OC90: variants seen among roughly 807,000 people sequenced by gnomAD.
OC90 encodes the protein otoconin-90.
Under a neutral mutation model 47.3 loss-of-function variants are expected in OC90, and 46 were observed. That is an observed-to-expected ratio of 0.97 (90% CI 0.77 to 1.24). The LOEUF (loss-of-function observed/expected upper bound fraction) is 1.24, where lower values mean the gene tolerates loss of function less well. Among genes scored for constraint, OC90 ranks in the 50% most tolerant of loss-of-function variants. The pLI is 0.00. For synonymous variants in OC90, 271 were observed against 219.5 expected (o/e 1.23, Z -2.07); for missense variants, 688 against 583.9 (o/e 1.18, Z -1.84).
chr8:132,040,130 G>A (rs1052738422), intron 6 of OC90, among the ~76,000 whole-genome samples: 1 of 152,124 alleles, frequency 6.6e-6, no homozygotes, highest in Non-Finnish European at 1.5e-5. Flanking sequence ...CCACCTAGTG[G>A]TTCACACCCA....
chr8:132,042,569 C>G (rs1823069924), intron 4 of OC90, among the ~76,000 whole-genome samples: 1 of 152,094 alleles, frequency 6.6e-6, no homozygotes, highest in East Asian at 1.9e-4. Context: ...TTTATTGTTC[C>G]CGTCTTTATG....
At chr8:132,033,370 C>T (rs985307394) in intron 10 of OC90, among the ~76,000 whole-genome samples, 2 of 152,152 alleles carry the variant, frequency 1.3e-5, no homozygotes, top group Non-Finnish European at 2.9e-5. Context: ...TTAACACTGT[C>T]GGGAGCCTGT....
chr8:132,042,314 A>T (rs943583867), intron 4 of OC90, among the ~76,000 whole-genome samples: 2 of 152,162 alleles, frequency 1.3e-5, no homozygotes, highest in African/African-American at 4.8e-5. Context: ...GAGCTACCAC[A>T]CGCATATTGG....
intron 12 of OC90, among the ~76,000 whole-genome samples, chr8:132,031,579 G>T (rs1373758503): frequency 6.6e-6 from 1 of 152,192 alleles, no homozygotes; most frequent in East Asian, 1.9e-4. Context: ...TCTTGGGGTA[G>T]CTGGGCAGTA....
At chr8:132,051,500 ATTCCAGCT>A (rs1488404615) in intron 2 of OC90, among the ~76,000 whole-genome samples, 1 of 152,228 alleles carries the variant, frequency 6.6e-6, no homozygotes, top group East Asian at 1.9e-4. Flanking sequence ...GTGAATCCAC[ATTCCAGCT>A]CAGTAACTTC....
Position 132,024,745 on chromosome 8 carries a change from G to C in OC90, c.1170C>G (p.Leu390=). 6.2e-7 allele frequency: 1 copy of C among 1,613,760 alleles called. No homozygotes were observed. The change falls in exon 14 of 14, where the codon CTC becomes CTG. Residue 390 remains leucine (L), a synonymous_variant. Transcript: ENST00000254627. The part of the protein sequence containing the change: ...CGGQSLCEKL[L]CACDQTAAEC... ...CAGCTGCCGTCTGGTCACAGGCACA[G>C]AGCAACTTCTCACACAGGCTTTGGC...
At chr8:132,048,873 C>G (rs1449007826) in intron 2 of OC90, among the ~76,000 whole-genome samples, 1 of 151,486 alleles carries the variant, frequency 6.6e-6, no homozygotes, top group Admixed American at 6.6e-5. Context: ...CAGCTGCAAC[C>G]CCCTATGACC....
At position 132,037,514 on chromosome 8, in the gene OC90, A is replaced by C. The variant is rs375417423; in HGVS notation, c.629-26T>G. ...CTGGAAAAAGAGAGTTCCCAATAGC[A>C]GTGACTCATGCAACACAGTGTCAAA... On this transcript the variant is annotated intron_variant, in intron 8 of 13. Transcript: ENST00000254627. The C allele has an allele frequency of 3.8e-6, 6 of 1,561,172 alleles. No individual in the cohort carries two copies. In the African/African-American group the frequency reaches 6.8e-5, roughly 18 times the overall value.
intron 6 of OC90, among the ~76,000 whole-genome samples, chr8:132,040,558 C>A (rs1017635131): frequency 3.3e-5 from 5 of 152,174 alleles, no homozygotes; most frequent in Non-Finnish European, 5.9e-5. Context: ...CCACCGCACG[C>A]CTTATTCACG....
At chr8:132,045,020 C>T (rs1362103426) in intron 3 of OC90, among the ~76,000 whole-genome samples, 1 of 150,990 alleles carries the variant, frequency 6.6e-6, no homozygotes, top group East Asian at 2.0e-4. Flanking sequence ...GCTACTCTTG[C>T]TGAAGAGGAG....
Position 132,039,075 on chromosome 8 carries a change from G to T in OC90, c.506C>A (p.Ala169Asp), listed in dbSNP as rs1356088146. The T allele has an allele frequency of 6.2e-7, 1 of 1,613,400 alleles. No individual in the cohort carries two copies. Among genetic ancestry groups the T allele is most frequent in the Non-Finnish European group, 8.5e-7 (1 of 1,179,728 alleles). The change falls in exon 7 of 14, where the codon GCC becomes GAC. Residue 169 changes from alanine (A) to aspartate (D), a missense_variant. By Grantham distance (126) the Ala-to-Asp change is moderately radical (BLOSUM62 -2). Transcript: ENST00000254627. The stretch of plus-strand genomic sequence containing the variant: ...GCTGGATCGAGCCAAGCACTCTATG[G>T]CAGCCTTATCACAGGTACACAGCAG... ...EHLLCTCDKA[A>D]IECLARSSLN...
At position 132,045,901 on chromosome 8, in the gene OC90, A is replaced by G. The variant is rs1823126204; in HGVS notation, c.47-18T>C. 1.2e-5 allele frequency: 17 copies of G among 1,440,634 alleles called. No individual in the cohort carries two copies. The highest frequency in any genetic ancestry group is 1.6e-5 in the Non-Finnish European group (17 of 1,045,960). The allele number at this position is 1,440,634 out of a possible 1,614,324, so 89.2% of individuals were successfully genotyped here. Reference sequence around the variant, plus strand: ...ATGGCCTCCTATAAATAAGGAAGAGAAAGTAGGGTAAGCACAAACACTGAT... The same window carrying G: ...ATGGCCTCCTATAAATAAGGAAGAGGAAGTAGGGTAAGCACAAACACTGAT... On this transcript the variant is annotated intron_variant, in intron 2 of 13. Coordinates refer to ENST00000254627, the MANE Select transcript of OC90 (RefSeq NM_001080399.3).
chr8:132,044,330 T>C, intron 4 of OC90, 103 bp downstream of exon 4: 1 of 699,978 alleles, frequency 1.4e-6, no homozygotes, highest in Admixed American at 2.3e-5. Flanking sequence ...GTGGAGGCCA[T>C]GGGAGCTCCG....
At chr8:132,040,833 T>G (rs1194569407) in intron 6 of OC90, among the ~76,000 whole-genome samples, 1 of 152,248 alleles carries the variant, frequency 6.6e-6, no homozygotes, top group African/African-American at 2.4e-5. Context: ...TCAGCTAATA[T>G]TTCAACTCAA....
At chr8:132,046,175 C>T (rs1823130836) in intron 2 of OC90, among the ~76,000 whole-genome samples, 1 of 152,096 alleles carries the variant, frequency 6.6e-6, no homozygotes, top group African/African-American at 2.4e-5. Flanking sequence ...GTGTATGAAG[C>T]ATCCTGTTTT....
At chr8:132,040,449 G>T (rs1445063437) in intron 6 of OC90, among the ~76,000 whole-genome samples, 14 of 152,138 alleles carry the variant, frequency 9.2e-5, no homozygotes, top group Admixed American at 9.2e-4. Context: ...CTCTGCCAGG[G>T]TTGCCTAGAG....
At chr8:132,037,245 G>C (rs1398378419) in intron 9 of OC90, among the ~76,000 whole-genome samples, 193 bp downstream of exon 9, 1 of 152,246 alleles carries the variant, frequency 6.6e-6, no homozygotes, top group Non-Finnish European at 1.5e-5. Context: ...GTAATCCCCA[G>C]TGTTGGAGAT....
chr8:132,035,395 G>C (rs927366200), intron 9 of OC90, among the ~76,000 whole-genome samples: 1 of 152,142 alleles, frequency 6.6e-6, no homozygotes, highest in Non-Finnish European at 1.5e-5. Context: ...GATGAGAAAG[G>C]AGACACACAG....
intron 2 of OC90, chr8:132,049,935 T>C (rs1823189983): frequency 4.2e-6 from 2 of 475,470 alleles, no homozygotes. Flanking sequence ...GGATGTGTCA[T>C]TAGCATTTTC....
Sources: allele counts gnomAD v4.1 joint callset (sites outside exome capture counted in the v4.1 genomes callset), GRCh38; gene constraint gnomAD v4.1.1; transcripts MANE v1.5; gene names NCBI Gene and HGNC (gene_info 2026-07-23, HGNC 2026-07-21).